Variants in PRIM2 observed in about 807,000 individuals in gnomAD.
The protein encoded by PRIM2 is DNA primase subunit 2, also known as DNA primase large subunit.
In PRIM2, 39 loss-of-function variants were observed where a neutral mutation model predicts 67.3. The observed-to-expected ratio is 0.58, with a 90% CI of 0.45 to 0.76. PRIM2 has a LOEUF of 0.76. Ranked by LOEUF, PRIM2 falls within the 30% of genes least tolerant of loss-of-function variation. PRIM2 has a pLI of 0.00. For missense variants in PRIM2, 398 were observed against 598.7 expected (o/e 0.66, Z 3.50); for synonymous variants, 143 against 198.7 (o/e 0.72, Z 2.36).
chr6:57,410,346 A>AAAAAAAG (rs1554335406), intron 7 of PRIM2, among the ~76,000 whole-genome samples: 1 of 148,230 alleles, frequency 6.7e-6, no homozygotes, highest in African/African-American at 2.5e-5. Flanking sequence ...AAAAAAAAAA[A>AAAAAAAG]AAAGAAAGAA....
chr6:57,576,101 C>T (rs1775959809), intron 10 of PRIM2, among the ~76,000 whole-genome samples: 1 of 152,026 alleles, frequency 6.6e-6, no homozygotes. Context: ...TTAGTCTGTG[C>T]TCAGCTTGTT....
At chr6:57,368,468 A>G (rs1224663563) in intron 5 of PRIM2, among the ~76,000 whole-genome samples, 2 of 152,214 alleles carry the variant, frequency 1.3e-5, no homozygotes, top group African/African-American at 4.8e-5. Flanking sequence ...AGTATTGTTG[A>G]TTGGAAGCTT....
chr6:57,380,438 T>C lies in PRIM2; in HGVS notation c.555+442T>C, dbSNP rs948917738. Among the ~76,000 whole-genome samples, 3 of 152,200 alleles carry C rather than the reference T, an allele frequency of 2.0e-5. No individual in the cohort carries two copies. In the East Asian group the frequency reaches 5.8e-4, roughly 29 times the overall value. ...CTGTGATTCCACTGGGCTCTGACAT[T>C]GTAAGCCTACGTTTTTTCCTATGGG... On this transcript the variant is annotated intron_variant, in intron 6 of 13. Transcript: ENST00000615550.
At chr6:57,436,382 T>G (rs991226343) in intron 7 of PRIM2, among the ~76,000 whole-genome samples, 14 of 152,242 alleles carry the variant, frequency 9.2e-5, no homozygotes, top group African/African-American at 3.4e-4. Flanking sequence ...CTTTGTGAAC[T>G]GCAGATGCCA....
the PRIM2 span, among the ~76,000 whole-genome samples, chr6:57,269,691 A>C: frequency 6.6e-6 from 1 of 152,132 alleles, no homozygotes; most frequent in African/African-American, 2.4e-5. Flanking sequence ...TGTTTTAGAC[A>C]TGAGGTCCTT....
the PRIM2 span, among the ~76,000 whole-genome samples, chr6:57,291,339 A>G: frequency 0.058 from 8,757 of 152,236 alleles, 269 homozygotes; most frequent in Non-Finnish European, 0.072. Flanking sequence ...AGCTTCTGAA[A>G]TTGAAGCAAT....
intron 7 of PRIM2, among the ~76,000 whole-genome samples, chr6:57,398,878 G>A (rs1770611120): frequency 6.6e-6 from 1 of 152,090 alleles, no homozygotes; most frequent in African/African-American, 2.4e-5. Flanking sequence ...TTATTCAATT[G>A]AAGTCTTTAC....
At chr6:57,459,699 A>G (rs1285723987) in intron 7 of PRIM2, among the ~76,000 whole-genome samples, 11 of 152,178 alleles carry the variant, frequency 7.2e-5, no homozygotes, top group Admixed American at 6.5e-4. Flanking sequence ...ATATTACAAT[A>G]TTGAGGCAGA....
At chr6:57,551,964 C>T (rs1775413207) in intron 10 of PRIM2, among the ~76,000 whole-genome samples, 1 of 152,106 alleles carries the variant, frequency 6.6e-6, no homozygotes, top group Non-Finnish European at 1.5e-5. Flanking sequence ...GAGTGTTCAC[C>T]ATTTTACAAT....
intron 10 of PRIM2, among the ~76,000 whole-genome samples, chr6:57,592,682 T>G (rs1324824605): frequency 1.3e-4 from 20 of 151,778 alleles, no homozygotes; most frequent in Non-Finnish European, 2.1e-4. Context: ...TCCCAGCTAC[T>G]CAGGAGGCTG....
the PRIM2 span, among the ~76,000 whole-genome samples, chr6:57,279,386 A>T: frequency 6.6e-6 from 1 of 152,134 alleles, no homozygotes; most frequent in Non-Finnish European, 1.5e-5. Flanking sequence ...TTTACATTGT[A>T]GGGTACCAGC....
intron 7 of PRIM2, chr6:57,493,726 A>G (rs1186289857): frequency 6.6e-6 from 1 of 152,220 alleles, no homozygotes; most frequent in Non-Finnish European, 1.5e-5. Flanking sequence ...TTTAATTGCA[A>G]CAAAGTGCAT....
intron 7 of PRIM2, among the ~76,000 whole-genome samples, chr6:57,405,162 GT>G (rs1226324121): frequency 1.9e-4 from 29 of 152,098 alleles, no homozygotes; most frequent in African/African-American, 5.8e-4. Flanking sequence ...TTTTTTTTTG[GT>G]GGGGAGGGGT....
At chr6:57,344,530 A>G (rs2127296215) in intron 5 of PRIM2, among the ~76,000 whole-genome samples, 1 of 152,160 alleles carries the variant, frequency 6.6e-6, no homozygotes, top group Admixed American at 6.5e-5. Flanking sequence ...ATTTAAATGA[A>G]GGCATTAACA....
chr6:57,419,107 A>G (rs1771377114), intron 7 of PRIM2, among the ~76,000 whole-genome samples: 1 of 152,180 alleles, frequency 6.6e-6, no homozygotes, highest in Admixed American at 6.5e-5. Context: ...ACTTTGGTGT[A>G]GAAGAATTTG....
At chr6:57,437,989 A>G (rs1191177259) in intron 7 of PRIM2, among the ~76,000 whole-genome samples, 1 of 152,124 alleles carries the variant, frequency 6.6e-6, no homozygotes, top group Non-Finnish European at 1.5e-5. Context: ...CTTTCCCTGA[A>G]TCCTACTCCA....
At chr6:57,374,364 A>G (rs77734349) in intron 5 of PRIM2, among the ~76,000 whole-genome samples, 3 of 133,480 alleles carry the variant, frequency 2.2e-5, no homozygotes, top group Admixed American at 7.4e-5. Context: ...CGCGATCTCG[A>G]CTCACTGCAA....
intron 9 of PRIM2, among the ~76,000 whole-genome samples, chr6:57,534,974 T>C (rs1221324734): frequency 6.6e-6 from 1 of 152,310 alleles, no homozygotes; most frequent in African/African-American, 2.4e-5. Context: ...TGGCATCAGA[T>C]GTTATCTTTT....
chr6:57,403,608 C>T (rs1352945044), intron 7 of PRIM2, among the ~76,000 whole-genome samples: 2 of 152,060 alleles, frequency 1.3e-5, no homozygotes, highest in African/African-American at 4.8e-5. Context: ...TTTTATTTCT[C>T]TCTATAGTGC....
Sources: allele counts gnomAD v4.1 joint callset (sites outside exome capture counted in the v4.1 genomes callset), GRCh38; gene constraint gnomAD v4.1.1; transcripts MANE v1.5; gene names NCBI Gene and HGNC (gene_info 2026-07-23, HGNC 2026-07-21).